The following CYFIP1 variants were observed in gnomAD, a reference collection of about 807,000 sequenced individuals.
The protein encoded by CYFIP1 is cytoplasmic FMR1-interacting protein 1.
In CYFIP1, 58 loss-of-function variants were observed where a neutral mutation model predicts 163.5. The observed-to-expected ratio is 0.35, with a 90% CI of 0.29 to 0.44. The LOEUF (loss-of-function observed/expected upper bound fraction) is 0.44. Among genes scored for constraint, CYFIP1 ranks in the 20% least tolerant of loss-of-function variants. The pLI, the probability that CYFIP1 is intolerant of heterozygous loss-of-function variation, is 1.00. For synonymous variants in CYFIP1, 663 were observed against 660.7 expected, an observed-to-expected ratio of 1.00 and a Z score of -0.05; for missense variants, 1,338 against 1,653.8, an observed-to-expected ratio of 0.81 and a Z score of 3.31.
chr15:22,924,569 T>C (rs12595020), intron 13 of CYFIP1, among the ~76,000 whole-genome samples: 44,978 of 151,858 alleles, frequency 0.3, 6,795 homozygotes, highest in South Asian at 0.42. Context: ...GGTGGCTGCA[T>C]ACGGTTGAGG....
At chr15:22,904,013 C>A (rs998013159) in intron 21 of CYFIP1, 108 bp from the exon 22 acceptor site, 2 of 1,002,154 alleles carry the variant, frequency 2.0e-6, no homozygotes, top group Non-Finnish European at 1.5e-6. Context: ...CAGGGCTGCA[C>A]GGAGGCAGCC....
intron 15 of CYFIP1, 188 bp from the exon 16 acceptor site, chr15:22,916,818 C>G (rs904081991): frequency 3.2e-6 from 5 of 1,561,032 alleles, no homozygotes; most frequent in African/African-American, 1.4e-5. Flanking sequence ...GGGGAAAGAA[C>G]AACTTGTAGC....
intron 30 of CYFIP1, among the ~76,000 whole-genome samples, chr15:22,871,616 A>T (rs4778442): frequency 6.6e-6 from 1 of 152,094 alleles, no homozygotes; most frequent in African/African-American, 2.4e-5. Context: ...TGGACTGTAG[A>T]ACAGGGAGAG....
chr15:22,905,071 CG>C, intron 21 of CYFIP1: 1 of 152,246 alleles, frequency 6.6e-6, no homozygotes, highest in Admixed American at 6.5e-5. Context: ...TGAGGACAAT[CG>C]GATTTTCCTT....
intron 26 of CYFIP1, chr15:22,875,494 T>C: frequency 3.6e-6 from 2 of 549,694 alleles, no homozygotes; most frequent in Non-Finnish European, 6.5e-6. Context: ...GGAATGTGGC[T>C]TGGCACTTGA....
chr15:22,940,973 C>G (rs867880076), intron 6 of CYFIP1, among the ~76,000 whole-genome samples: 1 of 152,174 alleles, frequency 6.6e-6, no homozygotes, highest in Non-Finnish European at 1.5e-5. Flanking sequence ...CCAGGAGACG[C>G]AGAGGTTGCA....
intron 1 of CYFIP1, among the ~76,000 whole-genome samples, chr15:22,959,763 C>A (rs2062612078): frequency 6.6e-6 from 1 of 152,166 alleles, no homozygotes; most frequent in Admixed American, 6.5e-5. Flanking sequence ...GAACAGGCGC[C>A]ACGGGCGATC....
At chr15:22,930,405 A>AAC (rs1298830998) in intron 11 of CYFIP1, among the ~76,000 whole-genome samples, 4 of 151,670 alleles carry the variant, frequency 2.6e-5, no homozygotes, top group Non-Finnish European at 5.9e-5. Flanking sequence ...AAAAAAAAAA[A>AAC]AAAAAAACTG....
chr15:22,911,151 C>T (rs983627088), intron 18 of CYFIP1, among the ~76,000 whole-genome samples: 6 of 151,838 alleles, frequency 4.0e-5, no homozygotes, highest in African/African-American at 7.2e-5. Flanking sequence ...ACTCCAGCCT[C>T]GGCGACAGAG....
At chr15:22,906,853 C>T (rs2060603793) in intron 21 of CYFIP1, among the ~76,000 whole-genome samples, 1 of 152,146 alleles carries the variant, frequency 6.6e-6, no homozygotes, top group African/African-American at 2.4e-5. Context: ...TCTGACGTGC[C>T]TCCACTGTCT....
intron 13 of CYFIP1, among the ~76,000 whole-genome samples, chr15:22,922,112 T>C (rs1273110161): frequency 2.0e-5 from 3 of 152,160 alleles, no homozygotes; most frequent in African/African-American, 7.2e-5. Flanking sequence ...TCTTCAGGAC[T>C]GGCTGAAGTC....
chr15:22,942,610 A>G (rs921887707), intron 6 of CYFIP1, among the ~76,000 whole-genome samples: 9 of 152,152 alleles, frequency 5.9e-5, no homozygotes, highest in African/African-American at 2.2e-4. Context: ...TCCAGAGGCT[A>G]GCTTCTCCAG....
chr15:22,878,002 C>G (rs2064937866), intron 26 of CYFIP1, among the ~76,000 whole-genome samples: 1 of 152,218 alleles, frequency 6.6e-6, no homozygotes, highest in African/African-American at 2.4e-5. Context: ...CAGCAATGCC[C>G]TGAGCTGTGT....
intron 23 of CYFIP1, among the ~76,000 whole-genome samples, chr15:22,891,708 C>T (rs2060088689): frequency 6.6e-6 from 1 of 152,252 alleles, no homozygotes; most frequent in Non-Finnish European, 1.5e-5. Context: ...TTGCCGTTTC[C>T]CAGGTGCAAA....
intron 17 of CYFIP1, 174 bp from the exon 18 acceptor site, chr15:22,912,449 C>T (rs148631245): frequency 0.01 from 5,305 of 518,776 alleles, 200 homozygotes; most frequent in African/African-American, 0.087. Context: ...GCGCCTGAGG[C>T]GGCCGCCACA....
intron 28 of CYFIP1, 116 bp from the exon 29 acceptor site, chr15:22,873,845 G>T: frequency 1.1e-6 from 1 of 925,184 alleles, no homozygotes; most frequent in Non-Finnish European, 1.7e-6. Flanking sequence ...AGGCTGGAGT[G>T]CAGTGGCACA....
intron 20 of CYFIP1, among the ~76,000 whole-genome samples, chr15:22,909,807 G>A (rs1203851509): frequency 6.6e-6 from 1 of 152,072 alleles, no homozygotes; most frequent in East Asian, 1.9e-4. Context: ...ATACAGGCAT[G>A]CAATGTGAAT....
intron 22 of CYFIP1, 46 bp downstream of exon 22, chr15:22,903,660 C>T (rs1255752204): frequency 1.2e-6 from 2 of 1,600,678 alleles, no homozygotes; most frequent in Non-Finnish European, 1.7e-6. Context: ...GGACATGGGT[C>T]CCTGAGCGCC....
In CYFIP1 at chr15:22,952,659, C is replaced by CAAAAAAAAAAAAAAAAAAAAAAAAA. The variant is rs3083512; in HGVS notation, c.-6-5369_-6-5368insTTTTTTTTTTTTTTTTTTTTTTTTT. ...GACAGAGTGAGGTGAGACTCCATCT[C>CAAAAAAAAAAAAAAAAAAAAAAAAA]AAAAAAAAAAAAAAAAGGTAAACAT... On this transcript the variant is annotated intron_variant, in intron 1 of 30. Coordinates refer to ENST00000617928, the MANE Select transcript of CYFIP1 (RefSeq NM_014608.6). Among the ~76,000 whole-genome samples, 6 of 45,680 alleles carry CAAAAAAAAAAAAAAAAAAAAAAAAA rather than the reference C, an allele frequency of 1.3e-4. 1 individual carries two copies. Among genetic ancestry groups the CAAAAAAAAAAAAAAAAAAAAAAAAA allele is most frequent in the African/African-American group, 5.0e-4 (5 of 9,948 alleles). 30.0% of individuals were successfully genotyped at this position (45,680 alleles called of 152,430 possible). A position where few individuals can be genotyped will look rare whatever the true frequency, so the allele number is the denominator to read the frequency against.
Sources: allele counts gnomAD v4.1 joint callset (sites outside exome capture counted in the v4.1 genomes callset), GRCh38; gene constraint gnomAD v4.1.1; transcripts MANE v1.5; gene names NCBI Gene and HGNC (gene_info 2026-07-23, HGNC 2026-07-21).